EIF4G3: variants seen among roughly 807,000 people sequenced by gnomAD.
EIF4G3 encodes the protein eIF-4-gamma 3.
A neutral mutation model predicts 186.4 loss-of-function variants in EIF4G3; 34 were observed. The ratio of observed to expected loss-of-function variants is 0.18; its 90% CI spans 0.14 to 0.24. EIF4G3 has a LOEUF of 0.24. EIF4G3 is among the 10% of genes least tolerant of loss of function. The pLI is 1.00. For synonymous variants in EIF4G3, 673 were observed against 679.5 expected (o/e 0.99, Z 0.15); for missense variants, 1,536 against 1,948.5 (o/e 0.79, Z 3.99).
At chr1:21,139,538 G>A (rs1407208503) in intron 2 of EIF4G3, among the ~76,000 whole-genome samples, 1 of 152,122 alleles carries the variant, frequency 6.6e-6, no homozygotes, top group East Asian at 1.9e-4. Flanking sequence ...TTCGAAAAAG[G>A]TATTGTGCAA....
chr1:20,850,964 G>C (rs1177982826), intron 28 of EIF4G3, among the ~76,000 whole-genome samples: 1 of 152,186 alleles, frequency 6.6e-6, no homozygotes, highest in Non-Finnish European at 1.5e-5. Flanking sequence ...GCAACGTCAA[G>C]TGTGGGATGT....
intron 3 of EIF4G3, among the ~76,000 whole-genome samples, chr1:21,065,782 G>A (rs185858647): frequency 6.6e-6 from 1 of 152,224 alleles, no homozygotes; most frequent in African/African-American, 2.4e-5. Context: ...TATAAAAAGT[G>A]TGTTTAATTA....
intron 2 of EIF4G3, among the ~76,000 whole-genome samples, chr1:21,121,778 A>C (rs2096929703): frequency 6.6e-6 from 1 of 151,998 alleles, no homozygotes; most frequent in African/African-American, 2.4e-5. Flanking sequence ...CCGTCTCAAA[A>C]AAAAAAAAAA....
Position 20,813,185 on chromosome 1 carries a change from T to A in EIF4G3, c.4570A>T (p.Thr1524Ser). ...SSPTFLRALM[T>S]AVCKAAIIAD... ...ATAATAGCTGCTTTACAAACAGCAG[T>A]CATTAAAGCTCTAAGGAATGTAGGT... The change falls in exon 35 of 37, where the codon ACT becomes TCT. Residue 1524 changes from threonine (T) to serine (S), a missense_variant. Around this residue, in one of 11 missense-constraint regions of EIF4G3, gnomAD observed 395 missense variants for 498.9 expected, o/e 0.79. Coordinates refer to ENST00000602326, the MANE Select transcript of EIF4G3 (RefSeq NM_001391906.1). The A allele has an allele frequency of 6.2e-7, 1 of 1,613,532 alleles. No homozygotes were observed. The highest frequency in any genetic ancestry group is 8.5e-7 in the Non-Finnish European group (1 of 1,179,606).
intron 8 of EIF4G3, among the ~76,000 whole-genome samples, 169 bp from the exon 9 acceptor site, chr1:20,981,396 C>T (rs1251066192): frequency 6.6e-6 from 1 of 151,830 alleles, no homozygotes; most frequent in East Asian, 1.9e-4. Context: ...AAATATACCA[C>T]ACTAGGGCAA....
At chr1:20,969,698 A>C (rs764335271) in intron 11 of EIF4G3, 102 bp from the exon 12 acceptor site, 37 of 1,094,988 alleles carry the variant, frequency 3.4e-5, no homozygotes, top group Non-Finnish European at 4.7e-5. Flanking sequence ...AACCTGTCAA[A>C]TATCAAAGGT....
At chr1:20,850,652 T>C (rs1191837523) in intron 28 of EIF4G3, among the ~76,000 whole-genome samples, 4 of 152,212 alleles carry the variant, frequency 2.6e-5, no homozygotes, top group Non-Finnish European at 5.9e-5. Flanking sequence ...GTTCTAAGTG[T>C]TTACGTGTAT....
intron 7 of EIF4G3, among the ~76,000 whole-genome samples, chr1:20,984,386 G>A (rs1465855545): frequency 1.3e-5 from 2 of 151,708 alleles, no homozygotes; most frequent in African/African-American, 2.4e-5. Context: ...GGCTGGTCTC[G>A]AATACCTGAC....
intron 36 of EIF4G3, among the ~76,000 whole-genome samples, chr1:20,808,820 ACT>A (rs2058659411): frequency 6.6e-6 from 1 of 152,092 alleles, no homozygotes; most frequent in African/African-American, 2.4e-5. Flanking sequence ...TCTCGGTTTT[ACT>A]CTCATAGTAA....
rs112293254 is a variant in EIF4G3, at chr1:21,050,156, C to T, written c.-67+710G>A. Among the ~76,000 whole-genome samples, 537 of 152,298 alleles carry T rather than the reference C, an allele frequency of 3.5e-3. 5 individuals carry two copies. Among genetic ancestry groups the T allele is most frequent in the African/African-American group, 0.012 (506 of 41,560 alleles). On this transcript the variant is annotated intron_variant, in intron 4 of 36. Transcript: ENST00000602326. ...TTAGATCAACGTTATTGGCTTGACT[C>T]AGTCCACATTCTGTAAGGGACTTTA...
rs2058977757 is a variant in EIF4G3, at chr1:20,810,266, TGCCTCA to T, written c.4744+466_4744+471del. On this transcript the variant is annotated intron_variant, in intron 36 of 36. Transcript: ENST00000602326. The surrounding 1 kb of genome is among the most constrained non-coding windows in gnomAD (Gnocchi z 4.1). The stretch of plus-strand genomic sequence containing the variant: ...GCCTCCTGGGTTCAAGCGATTCTCC[TGCCTCA>T]GCCTCCCAAGTAGCTGGGATTACAG... 6.6e-6 allele frequency among the ~76,000 whole-genome samples: 1 copy of T among 152,146 alleles called. No homozygotes were observed. Among genetic ancestry groups the T allele is most frequent in the Admixed American group, 6.5e-5 (1 of 15,276 alleles).
rs1299040392 is a variant in EIF4G3, at chr1:21,071,864, C to CT, written c.-196+17273dup. ...AAGAAGAAAAGCACTTAAACAGCTA[C>CT]TTCCCAAATGCTATTTTCCCAAATA... is the stretch of plus-strand genomic sequence containing the variant. On this transcript the variant is annotated intron_variant, in intron 3 of 36. Transcript: ENST00000602326. 2.0e-5 allele frequency among the ~76,000 whole-genome samples: 3 copies of CT among 151,552 alleles called. No individual in the cohort carries two copies. In the East Asian group the frequency reaches 5.8e-4, roughly 29 times the overall value.
intron 36 of EIF4G3, among the ~76,000 whole-genome samples, chr1:20,808,098 G>C (rs2058458049): frequency 6.6e-6 from 1 of 151,686 alleles, no homozygotes; most frequent in Admixed American, 6.6e-5. Context: ...TGGCCAGGCT[G>C]GTCTCGAACT....
intron 6 of EIF4G3, among the ~76,000 whole-genome samples, chr1:21,000,765 C>CA (rs2083335580): frequency 1.3e-5 from 2 of 151,958 alleles, no homozygotes; most frequent in South Asian, 4.1e-4. Context: ...GTAATGGTCA[C>CA]TAGCAGAGCA....
At chr1:21,156,151 A>G (rs980183923) in intron 2 of EIF4G3, among the ~76,000 whole-genome samples, 1 of 151,948 alleles carries the variant, frequency 6.6e-6, no homozygotes, top group African/African-American at 2.4e-5. Flanking sequence ...ACAACAAAAA[A>G]AAACTCAAGA....
chr1:20,867,173 C>T (rs2077741345), intron 20 of EIF4G3, among the ~76,000 whole-genome samples: 1 of 152,194 alleles, frequency 6.6e-6, no homozygotes, highest in South Asian at 2.1e-4. Context: ...AAGGGAGGTA[C>T]AGCCTCTATG....
chr1:21,031,194 CACAACA>C (rs545461731), intron 4 of EIF4G3, among the ~76,000 whole-genome samples: 5 of 149,488 alleles, frequency 3.3e-5, no homozygotes, highest in Admixed American at 1.3e-4. Context: ...AAAAAAAAAA[CACAACA>C]ACAACAACAA....
At chr1:20,953,918 T>C (rs559866610) in intron 12 of EIF4G3, among the ~76,000 whole-genome samples, 1 of 152,312 alleles carries the variant, frequency 6.6e-6, no homozygotes, top group East Asian at 1.9e-4. Context: ...CACCCATCTA[T>C]CTACATATTT....
At chr1:21,007,515 TAAA>T (rs368328382) in intron 4 of EIF4G3, among the ~76,000 whole-genome samples, 1 of 14,872 alleles carries the variant, frequency 6.7e-5, no homozygotes, top group African/African-American at 1.3e-4. Context: ...GGCCCCTCCT[TAAA>T]AAAAAAAAAA....
Sources: allele counts gnomAD v4.1 joint callset (sites outside exome capture counted in the v4.1 genomes callset), GRCh38; gene constraint gnomAD v4.1.1; regional missense constraint gnomAD v4.1.1; non-coding constraint Gnocchi (gnomAD v3.1); transcripts MANE v1.5; gene names NCBI Gene and HGNC (gene_info 2026-07-23, HGNC 2026-07-21).